Variants in SEMA6A observed in about 807,000 individuals in gnomAD.
The protein encoded by SEMA6A is semaphorin 6A.
Under a neutral mutation model 96.8 loss-of-function variants are expected in SEMA6A, and 25 were observed. The observed-to-expected ratio is 0.26, with a 90% CI of 0.19 to 0.36. The LOEUF is 0.36. SEMA6A is among the 10% of genes least tolerant of loss of function. The pLI, the probability that SEMA6A is intolerant of heterozygous loss-of-function variation, is 1.00. For synonymous variants in SEMA6A, 612 were observed against 518.0 expected, an observed-to-expected ratio of 1.18 and a Z score of -2.46; for missense variants, 1,363 against 1,323.1, an observed-to-expected ratio of 1.03 and a Z score of -0.47.
At chr5:116,536,849 G>T (rs1256863020) in intron 1 of SEMA6A, among the ~76,000 whole-genome samples, 1 of 110,970 alleles carries the variant, frequency 9.0e-6, no homozygotes, top group African/African-American at 3.6e-5. Flanking sequence ...TTTTTATTCA[G>T]TCCCCGTGTG....
intron 9 of SEMA6A, among the ~76,000 whole-genome samples, chr5:116,487,465 T>C (rs187257129): frequency 1.4e-4 from 21 of 151,798 alleles, no homozygotes; most frequent in Admixed American, 5.2e-4. Flanking sequence ...AAATCAAAAC[T>C]CAATTTGATT....
At chr5:116,478,276 A>G in intron 13 of SEMA6A, 122 bp from the exon 14 acceptor site, 1 of 1,187,814 alleles carries the variant, frequency 8.4e-7, no homozygotes, top group South Asian at 1.5e-5. Flanking sequence ...TGAAACAAAC[A>G]AACCCTTCTG....
At chr5:116,473,223 TA>T in intron 16 of SEMA6A, 130 bp from the exon 17 acceptor site, 1 of 834,434 alleles carries the variant, frequency 1.2e-6, no homozygotes, top group Non-Finnish European at 1.9e-6. Context: ...AAGTGCTTTT[TA>T]ATTTCTGCGT....
intron 17 of SEMA6A, 135 bp from the exon 18 acceptor site, chr5:116,467,882 A>AGTGGTGGTGGTG (rs3073761): frequency 1.6e-5 from 9 of 551,356 alleles, no homozygotes; most frequent in African/African-American, 1.0e-4. Flanking sequence ...GACACGGCTT[A>AGTGGTGGTGGTG]GTGGTGGTGG....
Position 116,447,823 on chromosome 5 carries a change from A to G in SEMA6A, c.1895-12T>C. Reference sequence around the variant, plus strand: ...TTCCCGAATCACTCCTGCAATAGACATCGCATATGGCGTTAAGAAATGAAA... The same window carrying G: ...TTCCCGAATCACTCCTGCAATAGACGTCGCATATGGCGTTAAGAAATGAAA... On this transcript the variant is annotated splice_polypyrimidine_tract_variant and intron_variant, in intron 18 of 18. Transcript: ENST00000343348. The G allele has an allele frequency of 1.3e-6, 2 of 1,569,994 alleles. No individual in the cohort carries two copies. The highest frequency in any genetic ancestry group is 1.8e-5 in the Admixed American group (1 of 55,974).
intron 1 of SEMA6A, among the ~76,000 whole-genome samples, chr5:116,573,917 G>C (rs749376027): frequency 1.3e-5 from 2 of 152,040 alleles, no homozygotes; most frequent in Non-Finnish European, 1.5e-5. Context: ...TCGCGGCCCG[G>C]GGCGGCGCCG....
At chr5:116,526,828 G>A (rs1759251904) in intron 1 of SEMA6A, among the ~76,000 whole-genome samples, 2 of 152,006 alleles carry the variant, frequency 1.3e-5, no homozygotes, top group Admixed American at 6.6e-5. Flanking sequence ...TGCAAATACA[G>A]GTCTTGAAAT....
At chr5:116,563,831 A>G (rs1306808757) in intron 1 of SEMA6A, among the ~76,000 whole-genome samples, 1 of 152,120 alleles carries the variant, frequency 6.6e-6, no homozygotes, top group African/African-American at 2.4e-5. Context: ...AACAGAACCT[A>G]TTTTCTTACC....
chr5:116,496,173 A>G lies in SEMA6A; in HGVS notation c.342+78T>C, dbSNP rs1757590668. 1.1e-5 allele frequency: 13 copies of G among 1,209,718 alleles called. No individual in the cohort carries two copies. The South Asian group carries it at 1.5e-4, about 14-fold the overall frequency. The allele number at this position is 1,209,718 out of a possible 1,614,324, so 74.9% of individuals were successfully genotyped here. Reference sequence around the variant, plus strand: ...AAGGAAAAAGCACAATCCATTCTACATCACGGTCTATGGCTGGAGATAACA... The same window carrying G: ...AAGGAAAAAGCACAATCCATTCTACGTCACGGTCTATGGCTGGAGATAACA... On this transcript the variant is annotated intron_variant, in intron 5 of 18. Transcript: ENST00000343348.
At chr5:116,521,371 C>T (rs372811301) in intron 1 of SEMA6A, among the ~76,000 whole-genome samples, 5 of 152,302 alleles carry the variant, frequency 3.3e-5, no homozygotes, top group African/African-American at 1.2e-4. Flanking sequence ...CTTTCTTTGA[C>T]ACCAGAACAG....
chr5:116,564,765 A>G (rs557513501), intron 1 of SEMA6A, among the ~76,000 whole-genome samples: 23 of 152,336 alleles, frequency 1.5e-4, no homozygotes, highest in African/African-American at 4.6e-4. Flanking sequence ...TTCATATACT[A>G]TTCACGAGTT....
chr5:116,531,152 C>G (rs963523358), intron 1 of SEMA6A, among the ~76,000 whole-genome samples: 2 of 148,310 alleles, frequency 1.3e-5, no homozygotes, highest in African/African-American at 2.5e-5. Flanking sequence ...GCCAATTAAT[C>G]TATGTGCAGG....
chr5:116,541,528 A>G (rs1759962941), intron 1 of SEMA6A, among the ~76,000 whole-genome samples: 1 of 152,132 alleles, frequency 6.6e-6, no homozygotes, highest in South Asian at 2.1e-4. Context: ...TACAAGTTCA[A>G]AGACTAATTA....
At chr5:116,513,138 T>C (rs987414707) in intron 1 of SEMA6A, among the ~76,000 whole-genome samples, 3 of 151,882 alleles carry the variant, frequency 2.0e-5, no homozygotes, top group Admixed American at 6.6e-5. Context: ...CTTTTTTTTT[T>C]TCCCCCGCGA....
At chr5:116,560,473 T>C in intron 1 of SEMA6A, among the ~76,000 whole-genome samples, 1 of 151,478 alleles carries the variant, frequency 6.6e-6, no homozygotes, top group East Asian at 1.9e-4. Context: ...TCACTAGATC[T>C]AGTAGCCTGA....
chr5:116,539,771 G>A (rs1759883185), intron 1 of SEMA6A, among the ~76,000 whole-genome samples: 1 of 152,046 alleles, frequency 6.6e-6, no homozygotes, highest in African/African-American at 2.4e-5. Flanking sequence ...GATTTTTGCA[G>A]TTCAGATACT....
chr5:116,537,315 A>G lies in SEMA6A; in HGVS notation c.-38-32333T>C, dbSNP rs73780333. Among the ~76,000 whole-genome samples, 1,130 of 152,332 alleles carry G rather than the reference A, an allele frequency of 7.4e-3. 14 individuals are homozygous for G. The highest frequency in any genetic ancestry group is 0.025 in the African/African-American group (1,057 of 41,586). ...TACTTTGTAAAGAAGCTGTTCTTCC[A>G]GAGAAGTTAAATGACTTACTCAAAG... On this transcript the variant is annotated intron_variant, in intron 1 of 18. Transcript: ENST00000343348.
Position 116,505,028 on chromosome 5 carries a change from C to G in SEMA6A, c.-38-46G>C, listed in dbSNP as rs57329176. On this transcript the variant is annotated intron_variant, in intron 1 of 18. Transcript: ENST00000343348. The stretch of plus-strand genomic sequence containing the variant: ...GATTTTTTTCCAAGTCAGCTTTGTT[C>G]AATGCCATAAAATGAAATACCCTGA... 1,067 of 883,540 alleles carry G rather than the reference C, an allele frequency of 1.2e-3. 10 individuals carry two copies. The African/African-American group carries it at 0.016, about 13-fold the overall frequency. 54.7% of individuals were successfully genotyped at this position (883,540 alleles called of 1,614,324 possible).
Position 116,502,299 on chromosome 5 carries a change from G to A in SEMA6A, c.129C>T (p.Gly43=), listed in dbSNP as rs886900980. 1 of 1,613,908 alleles carries A rather than the reference G, an allele frequency of 6.2e-7. No homozygotes were observed. The highest frequency in any genetic ancestry group is 1.3e-5 in the African/African-American group (1 of 75,028). Residue 43 remains glycine, a synonymous_variant, in exon 3 of 19, where the codon GGC becomes GGT. Transcript: ENST00000343348. The stretch of plus-strand genomic sequence containing the variant: ...GTGTGGTGTTCCGTCCTGGCTTGTG[G>A]CCCACAAACACCGGATACTGTTTTG... ...NYTKQYPVFV[G]HKPGRNTTQR...
Sources: gnomAD v4.1 joint callset for allele counts (sites outside exome capture counted in the v4.1 genomes callset) on GRCh38, gnomAD v4.1.1 for gene constraint, MANE v1.5 for transcripts, NCBI Gene and HGNC (gene_info 2026-07-23, HGNC 2026-07-21) for gene names.